ZNF804A: variants seen among roughly 807,000 people sequenced by gnomAD.
The protein encoded by ZNF804A is zinc finger protein 804A.
ZNF804A carries 2 observed loss-of-function variants against 16.5 expected under a neutral mutation model. That is an observed-to-expected ratio of 0.12 (90% CI 0.05 to 0.38). The LOEUF is 0.38. Among genes scored for constraint, ZNF804A ranks in the 10% least tolerant of loss-of-function variants. ZNF804A has a pLI of 0.99. For missense variants in ZNF804A, 1,473 were observed against 1,390.7 expected (o/e 1.06, Z -0.94); for synonymous variants, 534 against 489.6 (o/e 1.09, Z -1.20).
chr2:184,807,974 C>G (rs1011990912), intron 1 of ZNF804A, among the ~76,000 whole-genome samples: 32 of 151,464 alleles, frequency 2.1e-4, no homozygotes, highest in Admixed American at 2.0e-3. Flanking sequence ...ATACTATAGG[C>G]TTTTTTCATA....
At chr2:184,718,920 A>G (rs1693255236) in intron 1 of ZNF804A, among the ~76,000 whole-genome samples, 1 of 151,878 alleles carries the variant, frequency 6.6e-6, no homozygotes, top group Non-Finnish European at 1.5e-5. Context: ...CCCAGTGGGG[A>G]TTCTGTGTGG....
intron 1 of ZNF804A, among the ~76,000 whole-genome samples, chr2:184,732,124 G>A (rs147232898): frequency 6.6e-6 from 1 of 152,098 alleles, no homozygotes; most frequent in East Asian, 1.9e-4. Flanking sequence ...AAAATATCTT[G>A]CCAAACTCAT....
At position 184,937,330 on chromosome 2, in the gene ZNF804A, C is replaced by G; in HGVS notation, c.1934C>G (p.Ala645Gly). 6.2e-7 allele frequency: 1 copy of G among 1,613,914 alleles called. No homozygotes were observed. Among genetic ancestry groups the G allele is most frequent in the African/African-American group, 1.3e-5 (1 of 75,030 alleles). ...LEPISEKQYL[A>G]AEQLLDSHQL... ...CCAATTTCAGAAAAGCAGTATTTAG[C>G]TGCAGAGCAATTATTAGACTCACAT... Residue 645 changes from alanine (A) to glycine (G), a missense_variant, in exon 4 of 4, where the codon GCT becomes GGT. Ala to Gly is a moderately conservative substitution (Grantham distance 60). Transcript: ENST00000302277.
chr2:184,642,031 C>G (rs1347154894), intron 1 of ZNF804A, among the ~76,000 whole-genome samples: 1 of 152,142 alleles, frequency 6.6e-6, no homozygotes, highest in African/African-American at 2.4e-5. Context: ...AGCACACACA[C>G]ACACATGCAC....
chr2:184,618,796 G>T (rs566119032), intron 1 of ZNF804A, among the ~76,000 whole-genome samples: 2 of 152,098 alleles, frequency 1.3e-5, no homozygotes, highest in South Asian at 4.1e-4. Flanking sequence ...ATATATTATT[G>T]TTTCTTCCAT....
At chr2:184,764,859 A>C (rs2105765252) in intron 1 of ZNF804A, among the ~76,000 whole-genome samples, 1 of 152,352 alleles carries the variant, frequency 6.6e-6, no homozygotes, top group South Asian at 2.1e-4. Context: ...TGAATGTTTT[A>C]GTCCATACAA....
rs530432396 is a variant in ZNF804A, at chr2:184,864,545, T to C, written c.112-1824T>C. On this transcript the variant is annotated intron_variant, in intron 1 of 3. Coordinates refer to ENST00000302277, the MANE Select transcript of ZNF804A (RefSeq NM_194250.2). ...ATCTTTAAAATGAGAAAGTAAGCTATGTATTATGGCAAATGTATGCATTGA... is the reference window on the plus strand; with the variant it reads ...ATCTTTAAAATGAGAAAGTAAGCTACGTATTATGGCAAATGTATGCATTGA... 3.3e-5 allele frequency among the ~76,000 whole-genome samples: 5 copies of C among 152,346 alleles called. No homozygotes were observed. In the South Asian group the frequency reaches 1.0e-3, roughly 32 times the overall value.
At chr2:184,919,209 C>A (rs1311348745) in intron 2 of ZNF804A, among the ~76,000 whole-genome samples, 1 of 152,216 alleles carries the variant, frequency 6.6e-6, no homozygotes, top group East Asian at 1.9e-4. Flanking sequence ...GAGTAAATTT[C>A]TATTCCAGGA....
chr2:184,629,119 A>G (rs1037532667), intron 1 of ZNF804A, among the ~76,000 whole-genome samples: 1 of 152,070 alleles, frequency 6.6e-6, no homozygotes, highest in African/African-American at 2.4e-5. Context: ...GTTGAATTCC[A>G]TGTCTTGTTC....
At position 184,939,073 on chromosome 2, in the gene ZNF804A, T is replaced by A; in HGVS notation, c.*47T>A. The A allele has an allele frequency of 1.3e-6, 2 of 1,587,566 alleles. No homozygotes were observed. Among genetic ancestry groups the A allele is most frequent in the Non-Finnish European group, 1.7e-6 (2 of 1,165,096 alleles). ...AATACTCTTGTGAAAACTATTGCTA[T>A]ATGCGTTAAGTGTTCATCTATGTGG... On this transcript the variant is annotated 3_prime_UTR_variant, in exon 4 of 4. Coordinates refer to ENST00000302277, the MANE Select transcript of ZNF804A (RefSeq NM_194250.2).
At chr2:184,879,699 T>A (rs895319429) in intron 2 of ZNF804A, among the ~76,000 whole-genome samples, 1 of 152,202 alleles carries the variant, frequency 6.6e-6, no homozygotes, top group Non-Finnish European at 1.5e-5. Flanking sequence ...TTTTTGGTAC[T>A]GACACACATC....
At chr2:184,928,368 C>CCTCCCTG in intron 2 of ZNF804A, among the ~76,000 whole-genome samples, 1 of 152,184 alleles carries the variant, frequency 6.6e-6, no homozygotes, top group East Asian at 1.9e-4. Flanking sequence ...AAGACAAAGT[C>CCTCCCTG]CTCCCTGCTC....
chr2:184,803,609 C>G (rs1418022641), intron 1 of ZNF804A, among the ~76,000 whole-genome samples: 1 of 152,144 alleles, frequency 6.6e-6, no homozygotes, highest in East Asian at 1.9e-4. Flanking sequence ...CATTTATTTA[C>G]AGATTGTGGG....
At chr2:184,710,566 A>G (rs1008621891) in intron 1 of ZNF804A, among the ~76,000 whole-genome samples, 1 of 151,828 alleles carries the variant, frequency 6.6e-6, no homozygotes, top group Non-Finnish European at 1.5e-5. Flanking sequence ...AGTGTATAAT[A>G]CAGTATTGTG....
At chr2:184,632,314 A>G (rs563882797) in intron 1 of ZNF804A, among the ~76,000 whole-genome samples, 1 of 152,302 alleles carries the variant, frequency 6.6e-6, no homozygotes, top group Non-Finnish European at 1.5e-5. Context: ...TTAATGCTAA[A>G]TTATCTTTCA....
At chr2:184,867,285 A>T (rs1005454398) in intron 2 of ZNF804A, among the ~76,000 whole-genome samples, 1 of 152,102 alleles carries the variant, frequency 6.6e-6, no homozygotes, top group African/African-American at 2.4e-5. Context: ...GCATTAATTT[A>T]TAAACATTTT....
At chr2:184,601,996 A>C (rs747767088) in intron 1 of ZNF804A, among the ~76,000 whole-genome samples, 20 of 151,990 alleles carry the variant, frequency 1.3e-4, no homozygotes, top group Non-Finnish European at 2.8e-4. Flanking sequence ...TAGGATAACC[A>C]GGGTAATTCA....
intron 1 of ZNF804A, among the ~76,000 whole-genome samples, chr2:184,664,653 T>C (rs954149865): frequency 6.6e-6 from 1 of 152,188 alleles, no homozygotes; most frequent in Non-Finnish European, 1.5e-5. Flanking sequence ...TTCATGTTCT[T>C]TAGCTGCATC....
chr2:184,631,846 A>G (rs1269966333), intron 1 of ZNF804A, among the ~76,000 whole-genome samples: 1 of 152,220 alleles, frequency 6.6e-6, no homozygotes, highest in Non-Finnish European at 1.5e-5. Flanking sequence ...ATATTAAACT[A>G]GAAGTAACTT....
Sources: gnomAD v4.1 joint callset for allele counts (sites outside exome capture counted in the v4.1 genomes callset) on GRCh38, gnomAD v4.1.1 for gene constraint, MANE v1.5 for transcripts, NCBI Gene and HGNC (gene_info 2026-07-23, HGNC 2026-07-21) for gene names.